IL6R: variants seen among roughly 807,000 people sequenced by gnomAD.
IL6R encodes the protein interleukin-6 receptor subunit alpha.
A neutral mutation model predicts 48.3 loss-of-function variants in IL6R; 38 were observed. That is an observed-to-expected ratio of 0.79 (90% CI 0.61 to 1.03). IL6R has a LOEUF of 1.03. Among genes scored for constraint, IL6R ranks in the 50% least tolerant of loss-of-function variants. The probability of loss-of-function intolerance (pLI) is 0.00; values close to 1 mark genes in which losing one functional copy is unlikely to be tolerated. For missense variants in IL6R, 534 were observed against 618.3 expected, an observed-to-expected ratio of 0.86 and a Z score of 1.45; for synonymous variants, 264 against 256.2, an observed-to-expected ratio of 1.03 and a Z score of -0.29.
At chr1:154,443,891 T>G (rs909135287) in intron 6 of IL6R, among the ~76,000 whole-genome samples, 3 of 152,024 alleles carry the variant, frequency 2.0e-5, no homozygotes, top group African/African-American at 4.8e-5. Flanking sequence ...ACCAAACATA[T>G]CACACCCCTC....
chr1:154,426,004 G>A (rs1688941499), intron 1 of IL6R, among the ~76,000 whole-genome samples: 1 of 151,084 alleles, frequency 6.6e-6, no homozygotes, highest in Non-Finnish European at 1.5e-5. Context: ...GAGCCCAGGA[G>A]TTTGAGGTTG....
At chr1:154,414,864 C>G (rs1688241315) in intron 1 of IL6R, 2 of 771,724 alleles carry the variant, frequency 2.6e-6, no homozygotes, top group Non-Finnish European at 4.6e-6. Flanking sequence ...TGTAGGCTGA[C>G]TGGGGAAGCT....
At chr1:154,406,098 C>T (rs555420105) in intron 1 of IL6R, among the ~76,000 whole-genome samples, 12 of 152,306 alleles carry the variant, frequency 7.9e-5, no homozygotes, top group Admixed American at 7.8e-4. Context: ...CGCGCCCCAG[C>T]GGGGTGATGT....
At chr1:154,458,142 A>ATT (rs1013573350) in intron 9 of IL6R, among the ~76,000 whole-genome samples, 1 of 148,404 alleles carries the variant, frequency 6.7e-6, no homozygotes, top group South Asian at 2.1e-4. Context: ...AATTTTTTGT[A>ATT]TTTTTTTTTA....
Position 154,448,001 on chromosome 1 carries a change from G to A in IL6R, c.950-124G>A, listed in dbSNP as rs959646891. The A allele has an allele frequency of 3.1e-5, 24 of 768,724 alleles. No homozygotes were observed. The African/African-American group carries it at 3.5e-4, about 11-fold the overall frequency. The allele number at this position is 768,724 out of a possible 1,614,324, so 47.6% of individuals were successfully genotyped here. On this transcript the variant is annotated intron_variant, in intron 6 of 9. Coordinates refer to ENST00000368485, the MANE Select transcript of IL6R (RefSeq NM_000565.4). ...TGGGATGACAGACGTGAGCCACCGC[G>A]CCCAGCCCATGCTGTTCTTTTAAAT... is the stretch of plus-strand genomic sequence containing the variant.
intron 1 of IL6R, among the ~76,000 whole-genome samples, chr1:154,415,758 C>T (rs1688305037): frequency 6.6e-6 from 1 of 152,120 alleles, no homozygotes; most frequent in East Asian, 1.9e-4. Flanking sequence ...GCAGGTGGAT[C>T]ATTTGAGGTC....
At chr1:154,446,236 C>T (rs1270879054) in intron 6 of IL6R, among the ~76,000 whole-genome samples, 3 of 152,310 alleles carry the variant, frequency 2.0e-5, no homozygotes, top group Admixed American at 6.5e-5. Context: ...TCAGGTCGCA[C>T]TTGCTGTGCG....
chr1:154,420,951 C>G (rs1244816356), intron 1 of IL6R, among the ~76,000 whole-genome samples: 1 of 152,214 alleles, frequency 6.6e-6, no homozygotes, highest in African/African-American at 2.4e-5. Flanking sequence ...GACACCAACA[C>G]TGACTGTTGA....
At chr1:154,436,949 T>G (rs1212307845) in intron 6 of IL6R, among the ~76,000 whole-genome samples, 1 of 152,250 alleles carries the variant, frequency 6.6e-6, no homozygotes, top group Admixed American at 6.5e-5. Context: ...CTTTCCTTTT[T>G]CTAGGTACAT....
intron 1 of IL6R, among the ~76,000 whole-genome samples, chr1:154,424,306 A>G (rs919918410): frequency 1.3e-5 from 2 of 152,218 alleles, no homozygotes; most frequent in African/African-American, 4.8e-5. Context: ...TGTTGTCACC[A>G]TGGTCGGGGA....
intron 9 of IL6R, among the ~76,000 whole-genome samples, chr1:154,461,009 G>A (rs1322932816): frequency 6.6e-6 from 1 of 152,160 alleles, no homozygotes; most frequent in Non-Finnish European, 1.5e-5. Flanking sequence ...GGGTAAGGAA[G>A]GTAAATCTTC....
chr1:154,423,541 G>A (rs1006591869), intron 1 of IL6R, among the ~76,000 whole-genome samples: 7 of 151,820 alleles, frequency 4.6e-5, no homozygotes, highest in Non-Finnish European at 8.8e-5. Context: ...GGGAAGGGGC[G>A]GTGCTGCCCA....
intron 3 of IL6R, 71 bp from the exon 4 acceptor site, chr1:154,434,448 C>T (rs572916377): frequency 2.2e-6 from 3 of 1,369,168 alleles, no homozygotes; most frequent in Admixed American, 4.1e-5. Context: ...GATTCCACTT[C>T]CCCCTTCTGT....
At chr1:154,415,525 GTCACC>G (rs1688291702) in intron 1 of IL6R, among the ~76,000 whole-genome samples, 1 of 152,174 alleles carries the variant, frequency 6.6e-6, no homozygotes, top group Admixed American at 6.5e-5. Context: ...TTGAATGCAG[GTCACC>G]CCTAATTAGC....
At position 154,449,931 on chromosome 1, in the gene IL6R, C is replaced by T. The variant is rs745706538; in HGVS notation, c.1017C>T (p.Asp339=). 8.7e-5 allele frequency: 140 copies of T among 1,609,028 alleles called. No homozygotes were observed. Among genetic ancestry groups the T allele is most frequent in the Admixed American group, 3.7e-4 (22 of 59,980 alleles). Residue 339 remains aspartate (D), a synonymous_variant, in exon 8 of 10, where the codon GAC becomes GAT. Transcript: ENST00000368485. Reference sequence around the variant, plus strand: ...TTTAGGCACTTACTACTAATAAAGACGATGATAATATTCTCTTCAGAGATT... The same window carrying T: ...TTTAGGCACTTACTACTAATAAAGATGATGATAATATTCTCTTCAGAGATT... ...TPMQALTTNK[D]DDNILFRDSA...
At chr1:154,417,221 G>T (rs1688404448) in intron 1 of IL6R, among the ~76,000 whole-genome samples, 2 of 152,170 alleles carry the variant, frequency 1.3e-5, no homozygotes, top group South Asian at 2.1e-4. Context: ...GAAGGCAGAG[G>T]GCTGCGTGTT....
chr1:154,406,473 C>T lies in IL6R; in HGVS notation c.85+759C>T, dbSNP rs376584167. ...TGACTGTAATCTGCCCCTGGCAAACCAGGCTTTTCTTGGGCTCTGGCCGCA... is the reference window on the plus strand; with the variant it reads ...TGACTGTAATCTGCCCCTGGCAAACTAGGCTTTTCTTGGGCTCTGGCCGCA... On this transcript the variant is annotated intron_variant, in intron 1 of 9. Coordinates refer to ENST00000368485, the MANE Select transcript of IL6R (RefSeq NM_000565.4). 4 of 152,406 alleles carry T rather than the reference C, an allele frequency of 2.6e-5. No individual in the cohort carries two copies. The East Asian group carries it at 7.7e-4, about 29-fold the overall frequency. 9.4% of individuals were successfully genotyped at this position (152,406 alleles called of 1,614,324 possible).
intron 6 of IL6R, among the ~76,000 whole-genome samples, chr1:154,440,169 A>G (rs1689854161): frequency 6.6e-6 from 1 of 152,232 alleles, no homozygotes; most frequent in Non-Finnish European, 1.5e-5. Flanking sequence ...TCCTTTGGTG[A>G]CTGACTTATT....
At position 154,465,969 on chromosome 1, in the gene IL6R, A is replaced by G. The variant is rs1432931949; in HGVS notation, c.*589A>G. 6.4e-6 allele frequency: 1 copy of G among 156,034 alleles called. No homozygotes were observed. Among genetic ancestry groups the G allele is most frequent in the Non-Finnish European group, 1.4e-5 (1 of 70,104 alleles). The allele number at this position is 156,034 out of a possible 1,614,324, so 9.7% of individuals were successfully genotyped here. A position where few individuals can be genotyped will look rare whatever the true frequency, so the allele number is the denominator to read the frequency against. ...CCTTTCTTCCCTACAGTTGAAAAAC[A>G]GCTGAGGGTGAGTGGGTGAATAATA... On this transcript the variant is annotated 3_prime_UTR_variant, in exon 10 of 10. Coordinates refer to ENST00000368485, the MANE Select transcript of IL6R (RefSeq NM_000565.4).
Sources: gnomAD v4.1 joint callset for allele counts (sites outside exome capture counted in the v4.1 genomes callset) on GRCh38, gnomAD v4.1.1 for gene constraint, MANE v1.5 for transcripts, NCBI Gene and HGNC (gene_info 2026-07-23, HGNC 2026-07-21) for gene names.